Variants in MX1 observed in about 807,000 individuals in gnomAD.
The protein encoded by MX1 is interferon-induced GTP-binding protein Mx1.
In MX1, 66 loss-of-function variants were observed where a neutral mutation model predicts 66.4. The observed-to-expected ratio is 0.99, with a 90% confidence interval of 0.82 to 1.22. The LOEUF (loss-of-function observed/expected upper bound fraction) is 1.22, where lower values mean the gene tolerates loss of function less well. Among genes scored for constraint, MX1 ranks in the 50% most tolerant of loss-of-function variants. The probability of loss-of-function intolerance (pLI) is 0.00; values close to 1 mark genes in which losing one functional copy is unlikely to be tolerated. For synonymous variants in MX1, 311 were observed against 318.1 expected (o/e 0.98, Z 0.24); for missense variants, 787 against 834.3 (o/e 0.94, Z 0.70).
intron 3 of MX1, chr21:41,429,717 TAACACTGTGAGACCCCATCTCTACTA>T (rs1046787986): frequency 2.6e-4 from 39 of 152,128 alleles, no homozygotes; most frequent in African/African-American, 8.9e-4. Context: ...CCATCCTGGC[TAACACTGTGAGACCCCATCTCTACTA>T]AATAAATACA....
intron 10 of MX1, 109 bp from the exon 11 acceptor site, chr21:41,443,679 T>C: frequency 1.1e-6 from 1 of 918,166 alleles, no homozygotes; most frequent in East Asian, 2.4e-5. Flanking sequence ...AGACATTCCA[T>C]CCAGTTGTAA....
At chr21:41,439,548 C>G (rs893957190) in intron 7 of MX1, 146 bp from the exon 8 acceptor site, 1 of 796,204 alleles carries the variant, frequency 1.3e-6, no homozygotes, top group African/African-American at 1.7e-5. Flanking sequence ...TCTCTTTTAT[C>G]CCAATCACAG....
chr21:41,440,888 T>C lies in MX1; in HGVS notation c.593T>C (p.Ile198Thr). Residue 198 changes from isoleucine (I) to threonine (T), a missense_variant and splice_region_variant, in exon 9 of 17, where the codon ATC (isoleucine) becomes ACC (threonine). Coordinates refer to ENST00000398598, the MANE Select transcript of MX1 (RefSeq NM_002462.5). The stretch of plus-strand genomic sequence containing the variant: ...TCACCTCCTCTCATTTCCTTACAGA[T>C]CAAGACACTCATCAAGAAGTACATC... The part of the protein sequence containing the change: ...GNQPADIGYK[I>T]KTLIKKYIQR... 6.2e-7 allele frequency: 1 copy of C among 1,614,158 alleles called. No homozygotes were observed. The highest frequency in any genetic ancestry group is 8.5e-7 in the Non-Finnish European group (1 of 1,180,020).
chr21:41,424,226 A>AGAGTGTGTGT (rs72394011), upstream of MX1, among the ~76,000 whole-genome samples: 12 of 146,216 alleles, frequency 8.2e-5, no homozygotes, highest in African/African-American at 3.1e-4. Flanking sequence ...AGAGGGGTTG[A>AGAGTGTGTGT]GTGTGTGTGT....
chr21:41,444,202 A>G (rs950531936), intron 11 of MX1, among the ~76,000 whole-genome samples: 1 of 152,102 alleles, frequency 6.6e-6, no homozygotes, highest in Non-Finnish European at 1.5e-5. Context: ...AGTCATTCTA[A>G]TGAACATATT....
At chr21:41,444,728 T>C (rs113220085) in intron 11 of MX1, among the ~76,000 whole-genome samples, 1 of 152,088 alleles carries the variant, frequency 6.6e-6, no homozygotes, top group Non-Finnish European at 1.5e-5. Context: ...CCCATGGGGA[T>C]TGATTTTTTG....
At chr21:41,434,916 AC>A (rs1034953770) in intron 5 of MX1, among the ~76,000 whole-genome samples, 1 of 152,192 alleles carries the variant, frequency 6.6e-6, no homozygotes, top group African/African-American at 2.4e-5. Flanking sequence ...TTTTCCTTCT[AC>A]CTAAAGAACT....
intron 13 of MX1, among the ~76,000 whole-genome samples, chr21:41,448,348 C>G (rs905138841): frequency 5.9e-5 from 9 of 152,202 alleles, no homozygotes; most frequent in Admixed American, 2.0e-4. Context: ...CTACACATGG[C>G]AATACTTTCG....
In MX1 at chr21:41,432,646, C is replaced by T. The variant is rs140142161; in HGVS notation, c.105+471C>T. Among the ~76,000 whole-genome samples the T allele has an allele frequency of 4.6e-5, 7 of 152,232 alleles. No individual in the cohort carries two copies. In the East Asian group the frequency reaches 9.6e-4, roughly 21 times the overall value. ...GAATCAGTCCAACCTCAGTTGGTCC[C>T]GACGCTGACACTCTCAGCTGTGTGA... On this transcript the variant is annotated intron_variant, in intron 5 of 16. Transcript: ENST00000398598.
At chr21:41,439,550 C>G (rs945532653) in intron 7 of MX1, 144 bp from the exon 8 acceptor site, 1 of 806,282 alleles carries the variant, frequency 1.2e-6, no homozygotes, top group African/African-American at 1.7e-5. Context: ...TCTTTTATCC[C>G]AATCACAGAA....
chr21:41,448,750 G>A (rs1039679252), intron 13 of MX1, among the ~76,000 whole-genome samples: 2 of 152,110 alleles, frequency 1.3e-5, no homozygotes, highest in Non-Finnish European at 2.9e-5. Context: ...AGCTTGCAGT[G>A]AGCTGAGATC....
rs554336850 is a variant in MX1 at position 41,439,642 on chromosome 21, T to A, written c.437-52T>A. ...TTTCAGAGTATTCACCATCATGAGA[T>A]CCGTTTATCCTAAGCTCTGTTTGGG... On this transcript the variant is annotated intron_variant, in intron 7 of 16. Coordinates refer to ENST00000398598, the MANE Select transcript of MX1 (RefSeq NM_002462.5). 2.1e-5 allele frequency: 32 copies of A among 1,558,224 alleles called. No homozygotes were observed. The East Asian group carries it at 7.2e-4, about 35-fold the overall frequency.
In MX1 at chr21:41,439,770, C is replaced by G; in HGVS notation, c.513C>G (p.Val171=). The G allele has an allele frequency of 6.2e-7, 1 of 1,614,032 alleles. No homozygotes were observed. The highest frequency in any genetic ancestry group is 8.5e-7 in the Non-Finnish European group (1 of 1,179,964). ...CCCTGGAGATCAGCTCCCGAGATGT[C>G]CCGGATCTGACTCTAATAGACCTTC... ...LITLEISSRD[V]PDLTLIDLPG... is the part of the protein sequence containing the mutation. Residue 171 remains valine, a synonymous_variant, in exon 8 of 17, where the codon GTC becomes GTG. Coordinates refer to ENST00000398598, the MANE Select transcript of MX1 (RefSeq NM_002462.5).
At position 41,458,804 on chromosome 21, in the gene MX1, C is replaced by T; in HGVS notation, c.*46C>T. 1.3e-6 allele frequency: 2 copies of T among 1,578,374 alleles called. No homozygotes were observed. The highest frequency in any genetic ancestry group is 1.7e-6 in the Non-Finnish European group (2 of 1,164,518). On this transcript the variant is annotated 3_prime_UTR_variant, in exon 17 of 17. Transcript: ENST00000398598. Reference sequence around the variant, plus strand: ...TAGACGTGCACGCACACTGTCTGCCCCCGTTCCCGGGTAGCCACTGGACTG... The same window carrying T: ...TAGACGTGCACGCACACTGTCTGCCTCCGTTCCCGGGTAGCCACTGGACTG...
At chr21:41,425,239 G>A (rs1204917129), upstream of MX1, among the ~76,000 whole-genome samples, 2 of 152,232 alleles carry the variant, frequency 1.3e-5, no homozygotes, top group East Asian at 1.9e-4. Flanking sequence ...GAGAGTCAGC[G>A]AAGGGAGATA....
intron 1 of MX1, among the ~76,000 whole-genome samples, chr21:41,421,159 A>G (rs372038182): frequency 7.2e-5 from 11 of 152,350 alleles, no homozygotes; most frequent in East Asian, 3.9e-4. Flanking sequence ...TAGACAGGGT[A>G]AAGAATCAAG....
chr21:41,445,725 G>C lies in MX1; in HGVS notation c.1131+155G>C, dbSNP rs1369297572. On this transcript the variant is annotated intron_variant, in intron 12 of 16. Transcript: ENST00000398598. ...AGGGTGGACAGGGCTGAGGGAGGCA[G>C]GGCAGGGAGTGCAGATGTGGGGGTG... 1.1e-5 allele frequency: 12 copies of C among 1,111,456 alleles called. No individual in the cohort carries two copies. The East Asian group carries it at 3.0e-4, about 28-fold the overall frequency. The allele number at this position is 1,111,456 out of a possible 1,614,324, so 68.8% of individuals were successfully genotyped here. A position where few individuals can be genotyped will look rare whatever the true frequency, so the allele number is the denominator to read the frequency against.
intron 7 of MX1, among the ~76,000 whole-genome samples, chr21:41,438,222 T>C (rs1035736826): frequency 1.3e-5 from 2 of 152,244 alleles, no homozygotes; most frequent in Admixed American, 6.5e-5. Context: ...AGATAAATAA[T>C]GTTATTGACA....
rs1445929341 is a variant in MX1, at chr21:41,441,871, C to CA, written c.886_887insA (p.Leu296HisfsTer9). On this transcript the variant is annotated frameshift_variant, in exon 10 of 17. Transcript: ENST00000398598. LOFTEE classifies it high-confidence loss of function. The surrounding 1 kb of genome is among the most constrained non-coding windows in gnomAD (Gnocchi z 4.0). ...GGACCAGCTGAGCCTGTCCGAAGCC[C>CA]TGCAGAGAGAGAAGATCTTCTTTGA... The CA allele has an allele frequency of 6.2e-7, 1 of 1,614,024 alleles. No homozygotes were observed. Among genetic ancestry groups the CA allele is most frequent in the East Asian group, 2.2e-5 (1 of 44,898 alleles).
Sources: gnomAD v4.1 joint callset for allele counts (sites outside exome capture counted in the v4.1 genomes callset) on GRCh38, gnomAD v4.1.1 for gene constraint, Gnocchi (gnomAD v3.1) non-coding constraint, MANE v1.5 for transcripts, NCBI Gene and HGNC (gene_info 2026-07-23, HGNC 2026-07-21) for gene names.